Variants in KIF19 observed in about 807,000 individuals in gnomAD.
The protein encoded by KIF19 is kinesin-like protein KIF19.
In KIF19, 98 loss-of-function variants were observed where a neutral mutation model predicts 106.6. The ratio of observed to expected loss-of-function variants is 0.92; its 90% CI spans 0.78 to 1.09. KIF19 has a LOEUF of 1.09. Ranked by LOEUF, KIF19 falls within the 50% of genes least tolerant of loss-of-function variation. The pLI is 0.00. For missense variants in KIF19, 1,373 were observed against 1,414.3 expected (o/e 0.97, Z 0.47); for synonymous variants, 516 against 584.2 (o/e 0.88, Z 1.68).
chr17:74,343,694 G>A (rs891091342), intron 5 of KIF19, among the ~76,000 whole-genome samples: 2 of 152,270 alleles, frequency 1.3e-5, no homozygotes, highest in African/African-American at 4.8e-5. Flanking sequence ...TAATCTCCTG[G>A]GTGACATCTT....
At chr17:74,344,553 A>G (rs562669527) in intron 6 of KIF19, among the ~76,000 whole-genome samples, 1 of 152,274 alleles carries the variant, frequency 6.6e-6, no homozygotes, top group South Asian at 2.1e-4. Context: ...ACCAGGCAAC[A>G]CTGCCTCTCC....
chr17:74,353,436 G>C (rs1027353151), intron 16 of KIF19, 58 bp from the exon 17 acceptor site: 7 of 1,534,816 alleles, frequency 4.6e-6, no homozygotes, highest in Non-Finnish European at 6.3e-6. Context: ...TGCTGAGTGG[G>C]GCATGGGGTC....
In KIF19 at chr17:74,354,550, C is replaced by A; in HGVS notation, c.2697C>A (p.Thr899=). The change falls in exon 18 of 20, where the codon ACC becomes ACA. Residue 899 remains threonine, a synonymous_variant. Transcript: ENST00000389916. ...GGAGGTCCCGATCCTTCGAGGTCAC[C>A]GGGCAAGGGGTGAGGCGAGGCGCAG... The part of the protein sequence containing the change: ...RKRRSRSFEV[T]GQGLSHPKTH... 1 of 1,594,944 alleles carries A rather than the reference C, an allele frequency of 6.3e-7. No individual in the cohort carries two copies. Among genetic ancestry groups the A allele is most frequent in the African/African-American group, 1.3e-5 (1 of 74,804 alleles).
At chr17:74,354,608 G>C (rs2144309144) in intron 18 of KIF19, 49 bp downstream of exon 18, 1 of 1,553,470 alleles carries the variant, frequency 6.4e-7, no homozygotes, top group African/African-American at 1.4e-5. Context: ...ATAGCAGCTG[G>C]AGGCCTGAGG....
Position 74,352,522 on chromosome 17 carries a change from C to T in KIF19, c.1980+182C>T, listed in dbSNP as rs73995261. On this transcript the variant is annotated intron_variant, in intron 14 of 19. Coordinates refer to ENST00000389916, the MANE Select transcript of KIF19 (RefSeq NM_153209.4). ...TGTCAAGCCTGAGTAAGACCCTCCT[C>T]CTTGGGCACTCCTGGGCATCACTTG... Among the ~76,000 whole-genome samples, 128 of 152,336 alleles carry T rather than the reference C, an allele frequency of 8.4e-4. 1 individual carries two copies. Among genetic ancestry groups the T allele is most frequent in the African/African-American group, 2.9e-3 (122 of 41,578 alleles).
chr17:74,350,660 G>A (rs1205456774), intron 11 of KIF19, 47 bp from the exon 12 acceptor site: 2 of 1,611,264 alleles, frequency 1.2e-6, no homozygotes, highest in South Asian at 2.2e-5. Context: ...AGTGTGCCCT[G>A]CCCCCATGGC....
At chr17:74,347,450 T>C (rs2054565116) in intron 8 of KIF19, among the ~76,000 whole-genome samples, 1 of 151,780 alleles carries the variant, frequency 6.6e-6, no homozygotes. Flanking sequence ...GGCACGAGAA[T>C]TGCTTGGACC....
chr17:74,354,661 C>G, intron 18 of KIF19, 102 bp downstream of exon 18: 1 of 1,523,400 alleles, frequency 6.6e-7, no homozygotes, highest in South Asian at 1.2e-5. Flanking sequence ...TAGCCTACCC[C>G]ATACCTGGAG....
chr17:74,349,266 G>A lies in KIF19; in HGVS notation c.1130G>A (p.Arg377Gln), dbSNP rs202026866. 3.5e-5 allele frequency: 56 copies of A among 1,613,476 alleles called. No homozygotes were observed. The East Asian group carries it at 4.2e-4, about 12-fold the overall frequency. ...IIADLRGEIQ[R>Q]LKRKIDEQTG... The stretch of plus-strand genomic sequence containing the variant: ...GCTGACCTGCGGGGCGAGATCCAGC[G>A]ACTCAAGCGCAAGATTGATGAGCAG... Residue 377 changes from arginine to glutamine, a missense_variant, in exon 10 of 20, where the codon CGA (arginine) becomes CAA (glutamine). By Grantham distance (43) the Arg-to-Gln change is conservative. Transcript: ENST00000389916.
Position 74,344,268 on chromosome 17 carries a change from T to C in KIF19, c.502T>C (p.Tyr168His). The stretch of plus-strand genomic sequence containing the variant: ...GGACCTGCTGAACCCCTCCCTGGGC[T>C]ACCTGGAGCTGCGGGAGGACTCTAA... ...IRDLLNPSLG[Y>H]LELREDSKGV... Residue 168 changes from tyrosine (Y) to histidine (H), a missense_variant, in exon 6 of 20, where the codon TAC becomes CAC. Physicochemically the swap from Tyr to His is moderately conservative, Grantham distance 83 (BLOSUM62 2). This residue lies in a region of KIF19 where 348 missense variants were observed against 389.5 expected (regional missense o/e 0.89). Transcript: ENST00000389916. 1 of 1,613,044 alleles carries C rather than the reference T, an allele frequency of 6.2e-7. No individual in the cohort carries two copies. The highest frequency in any genetic ancestry group is 8.5e-7 in the Non-Finnish European group (1 of 1,179,776).
intron 14 of KIF19, among the ~76,000 whole-genome samples, 182 bp downstream of exon 14, chr17:74,352,522 C>A (rs73995261): frequency 1.3e-5 from 2 of 152,336 alleles, no homozygotes; most frequent in South Asian, 4.1e-4. Flanking sequence ...AGACCCTCCT[C>A]CTTGGGCACT....
rs2054089202 is a variant in KIF19, at chr17:74,331,806, A to G, written c.120+3301A>G. Among the ~76,000 whole-genome samples, 1 of 151,840 alleles carries G rather than the reference A, an allele frequency of 6.6e-6. No homozygotes were observed. The highest frequency in any genetic ancestry group is 6.6e-5 in the Admixed American group (1 of 15,256). ...TGGCCAGGCTGGTCTCGAACTCCTG[A>G]CCTCAAGTGATACACCCGCCTCAGC... is the stretch of plus-strand genomic sequence containing the variant. On this transcript the variant is annotated intron_variant, in intron 2 of 19. Transcript: ENST00000389916. The surrounding 1 kb of genome is among the most constrained non-coding windows in gnomAD (Gnocchi z 4.1).
rs561533211 is a variant in KIF19 at position 74,347,877 on chromosome 17, G to T, written c.1025G>T (p.Arg342Leu). The T allele has an allele frequency of 6.3e-7, 1 of 1,583,754 alleles. No homozygotes were observed. Among genetic ancestry groups the T allele is most frequent in the Middle Eastern group, 1.7e-4 (1 of 5,976 alleles). ...ESRNTLTYAG[R>L]AKNIKTRVKQ... Reference sequence around the variant, plus strand: ...CGGAACACCCTGACCTACGCCGGCCGGGCCAAGAACATTAAGACTAGGGTG... The same window carrying T: ...CGGAACACCCTGACCTACGCCGGCCTGGCCAAGAACATTAAGACTAGGGTG... Residue 342 changes from arginine to leucine, a missense_variant, in exon 9 of 20, where the codon CGG becomes CTG. Arg to Leu is a moderately radical substitution (Grantham distance 102). Coordinates refer to ENST00000389916, the MANE Select transcript of KIF19 (RefSeq NM_153209.4).
intron 15 of KIF19, 87 bp downstream of exon 15, chr17:74,353,041 G>C: frequency 6.5e-7 from 1 of 1,528,538 alleles, no homozygotes; most frequent in South Asian, 1.1e-5. Flanking sequence ...GGGGAACACA[G>C]AGCAGCAATG....
Position 74,355,453 on chromosome 17 carries a change from G to T in KIF19, c.*141G>T. 4 of 1,115,002 alleles carry T rather than the reference G, an allele frequency of 3.6e-6. No individual in the cohort carries two copies. Among genetic ancestry groups the T allele is most frequent in the Non-Finnish European group, 4.9e-6 (4 of 814,448 alleles). The allele number at this position is 1,115,002 out of a possible 1,614,324, so 69.1% of individuals were successfully genotyped here. A position where few individuals can be genotyped will look rare whatever the true frequency, so the allele number is the denominator to read the frequency against. On this transcript the variant is annotated 3_prime_UTR_variant, in exon 20 of 20. Transcript: ENST00000389916. ...GCAGGCCAGGGCTCCTGAGACCCAG[G>T]AACTGGGGTCTCTGCCCAACCCTCC...
intron 14 of KIF19, 91 bp from the exon 15 acceptor site, chr17:74,352,730 C>T: frequency 6.7e-7 from 1 of 1,496,998 alleles, no homozygotes; most frequent in Non-Finnish European, 9.2e-7. Context: ...CATCTTACAG[C>T]CCTTGTCACC....
chr17:74,341,072 T>C (rs1039275320), intron 2 of KIF19, among the ~76,000 whole-genome samples: 2 of 152,196 alleles, frequency 1.3e-5, no homozygotes, highest in Admixed American at 6.5e-5. Context: ...TGGTGGCTCA[T>C]GCCTATAATC....
chr17:74,351,108 G>A, intron 12 of KIF19: 1 of 599,908 alleles, frequency 1.7e-6, no homozygotes, highest in Admixed American at 2.8e-5. Flanking sequence ...CCATGGTGCA[G>A]CCCTCATGGG....
At chr17:74,340,556 T>TGCACACAC (rs911954178) in intron 2 of KIF19, among the ~76,000 whole-genome samples, 1 of 151,788 alleles carries the variant, frequency 6.6e-6, no homozygotes, top group African/African-American at 2.4e-5. Context: ...TGCGCGCGCG[T>TGCACACAC]ACACACACAC....
Sources: gnomAD v4.1 joint callset for allele counts (sites outside exome capture counted in the v4.1 genomes callset) on GRCh38, gnomAD v4.1.1 for gene constraint, gnomAD v4.1.1 regional missense constraint, Gnocchi (gnomAD v3.1) non-coding constraint, MANE v1.5 for transcripts, NCBI Gene and HGNC (gene_info 2026-07-23, HGNC 2026-07-21) for gene names.